GNAT2: variants seen among roughly 807,000 people sequenced by gnomAD.
GNAT2 encodes guanine nucleotide-binding protein G(t) subunit alpha-2.
A neutral mutation model predicts 40.9 loss-of-function variants in GNAT2; 32 were observed. The observed-to-expected ratio is 0.78, with a 90% CI of 0.59 to 1.05. GNAT2 has a LOEUF of 1.05. GNAT2 is among the 50% of genes least tolerant of loss of function. GNAT2 has a pLI of 0.00. For missense variants in GNAT2, 355 were observed against 431.5 expected (o/e 0.82, Z 1.57); for synonymous variants, 141 against 157.2 (o/e 0.90, Z 0.77).
chr1:109,610,215 C>T (rs750413274), intron 3 of GNAT2, 34 bp from the exon 4 acceptor site: 3 of 1,610,586 alleles, frequency 1.9e-6, no homozygotes, highest in South Asian at 2.2e-5. Context: ...TTTAGCTGGA[C>T]CTGAGTAACC....
intron 1 of GNAT2, chr1:109,618,016 G>C (rs954393983): frequency 3.3e-5 from 5 of 152,198 alleles, no homozygotes; most frequent in African/African-American, 9.7e-5. Context: ...CCCCGGGAAG[G>C]CTGGGTTGGG....
chr1:109,610,266 A>G (rs1400448044), intron 3 of GNAT2, 85 bp from the exon 4 acceptor site: 14 of 1,443,758 alleles, frequency 9.7e-6, no homozygotes, highest in East Asian at 4.5e-5. Context: ...TTAAAGGATC[A>G]TAAGAATCCT....
intron 1 of GNAT2, chr1:109,616,712 A>G (rs536810355): frequency 2.6e-5 from 4 of 152,390 alleles, no homozygotes; most frequent in African/African-American, 9.6e-5. Flanking sequence ...TCTACAGCGG[A>G]AGAAAGAAAA....
At chr1:109,604,396 C>T (rs912071387) in intron 7 of GNAT2, 10 of 421,984 alleles carry the variant, frequency 2.4e-5, no homozygotes, top group African/African-American at 8.1e-5. Flanking sequence ...GTATATTGTC[C>T]ATGATAGTGG....
intron 6 of GNAT2, 38 bp from the exon 7 acceptor site, chr1:109,606,137 A>G (rs1370912123): frequency 1.2e-6 from 2 of 1,611,826 alleles, no homozygotes; most frequent in Non-Finnish European, 1.7e-6. Flanking sequence ...GGTATGCCCA[A>G]CATACGACCT....
intron 4 of GNAT2, 117 bp from the exon 5 acceptor site, chr1:109,608,905 C>G: frequency 2.5e-6 from 2 of 810,236 alleles, no homozygotes; most frequent in African/African-American, 3.4e-5. Context: ...AAGATGGAAG[C>G]AGTATCCAGT....
intron 7 of GNAT2, chr1:109,605,278 T>G (rs1202713316): frequency 6.5e-6 from 1 of 153,336 alleles, no homozygotes; most frequent in African/African-American, 2.4e-5. Context: ...CGCCTCTAAC[T>G]TTTCCCAAAT....
intron 5 of GNAT2, chr1:109,607,463 A>AAAAAAAAAAAAAG: frequency 6.6e-6 from 1 of 151,638 alleles, no homozygotes; most frequent in Non-Finnish European, 1.5e-5. Flanking sequence ...AAAAAAAAAA[A>AAAAAAAAAAAAAG]GGCAAGAGGA....
intron 2 of GNAT2, 64 bp downstream of exon 2, chr1:109,612,689 C>G (rs1359297339): frequency 2.0e-6 from 2 of 1,010,798 alleles, no homozygotes; most frequent in Non-Finnish European, 3.2e-6. Flanking sequence ...GTAGAACCCA[C>G]CAACCCTTCA....
chr1:109,604,252 C>T, intron 7 of GNAT2, 148 bp from the exon 8 acceptor site: 1 of 696,686 alleles, frequency 1.4e-6, no homozygotes, highest in Non-Finnish European at 2.6e-6. Flanking sequence ...CAGAGTAAAG[C>T]CAGAGAGATG....
rs199503029 is a variant in GNAT2 at position 109,612,857 on chromosome 1, G to A, written c.14C>T (p.Ala5Val). 830 of 1,607,574 alleles carry A rather than the reference G, an allele frequency of 5.2e-4. 1 individual carries two copies. The highest frequency in any genetic ancestry group is 6.4e-4 in the Non-Finnish European group (749 of 1,174,336). Residue 5 changes from alanine to valine, a missense_variant, in exon 2 of 9, where the codon GCC becomes GTC. Coordinates refer to ENST00000679935, the MANE Select transcript of GNAT2 (RefSeq NM_001377295.2). ...GGCCAGTTCTTTGTCCTCAGCACTG[G>A]CTCCACTTCCCATATTTGCCGTCTT... is the stretch of plus-strand genomic sequence containing the variant. MGSG[A>V]SAEDKELAKR...
At chr1:109,612,087 C>G (rs1019045620) in intron 2 of GNAT2, 2 of 152,964 alleles carry the variant, frequency 1.3e-5, no homozygotes, top group African/African-American at 4.8e-5. Flanking sequence ...AATTGAGGTG[C>G]TTTTATTTTC....
intron 2 of GNAT2, 76 bp downstream of exon 2, chr1:109,612,677 A>C: frequency 1.1e-6 from 1 of 876,824 alleles, no homozygotes; most frequent in Non-Finnish European, 2.0e-6. Context: ...CCATGGGGTG[A>C]GGTAGAACCC....
intron 1 of GNAT2, chr1:109,615,608 GAA>G (rs756793113): frequency 5.1e-5 from 3 of 58,480 alleles, no homozygotes; most frequent in Admixed American, 2.3e-4. Flanking sequence ...TTCCGTCTCA[GAA>G]AAAAAAAAAA....
chr1:109,608,566 C>A, intron 5 of GNAT2, 65 bp downstream of exon 5: 1 of 1,516,348 alleles, frequency 6.6e-7, no homozygotes. Flanking sequence ...TTTCTCCCAA[C>A]CAGAGAGAAG....
intron 7 of GNAT2, chr1:109,605,321 TTTTCTCACCTCTAACC>T (rs1649558994): frequency 6.5e-6 from 1 of 153,256 alleles, no homozygotes. Flanking sequence ...AAATTAACGT[TTTTCTCACCTCTAACC>T]TTTCCCAAAT....
intron 4 of GNAT2, 59 bp from the exon 5 acceptor site, chr1:109,608,847 C>A: frequency 7.9e-7 from 1 of 1,267,626 alleles, no homozygotes; most frequent in Non-Finnish European, 1.2e-6. Context: ...CAGGAGGCTT[C>A]TGGGAATACT....
intron 7 of GNAT2, 105 bp from the exon 8 acceptor site, chr1:109,604,209 A>G: frequency 1.1e-6 from 1 of 876,128 alleles, no homozygotes; most frequent in Non-Finnish European, 1.9e-6. Context: ...CAAATGTAAA[A>G]AGCAAGACAG....
intron 1 of GNAT2, 118 bp from the exon 2 acceptor site, chr1:109,613,041 T>C (rs1222129176): frequency 1.4e-6 from 1 of 707,958 alleles, no homozygotes; most frequent in African/African-American, 1.7e-5. Flanking sequence ...TCTTGTACTC[T>C]GCCTACATTG....
Sources: gnomAD v4.1 joint callset for allele counts on GRCh38, gnomAD v4.1.1 for gene constraint, MANE v1.5 for transcripts, NCBI Gene and HGNC (gene_info 2026-07-23, HGNC 2026-07-21) for gene names.